The following AOX1 variants were observed in gnomAD, a reference collection of about 807,000 sequenced individuals.
AOX1 encodes the protein aldehyde oxidase 1.
A neutral mutation model predicts 169.5 loss-of-function variants in AOX1; 153 were observed. That is an observed-to-expected ratio of 0.90 (90% CI 0.79 to 1.03). AOX1 has a LOEUF of 1.03. Ranked by LOEUF, AOX1 falls within the 50% of genes least tolerant of loss-of-function variation. The probability of loss-of-function intolerance (pLI) is 0.00; values close to 1 mark genes in which losing one functional copy is unlikely to be tolerated. For missense variants in AOX1, 1,656 were observed against 1,663.9 expected (o/e 1.00, Z 0.08); for synonymous variants, 562 against 581.9 (o/e 0.97, Z 0.49).
At chr2:200,602,104 A>G (rs1026895892) in intron 5 of AOX1, among the ~76,000 whole-genome samples, 180 bp from the exon 6 acceptor site, 1 of 152,010 alleles carries the variant, frequency 6.6e-6, no homozygotes, top group Non-Finnish European at 1.5e-5. Flanking sequence ...AATCTGCCTC[A>G]AGATTCTTAA....
chr2:200,602,288 C>T lies in AOX1; in HGVS notation c.441C>T (p.Asn147=). 6.2e-7 allele frequency: 1 copy of T among 1,613,754 alleles called. No individual in the cohort carries two copies. The highest frequency in any genetic ancestry group is 1.1e-5 in the South Asian group (1 of 90,998). The stretch of plus-strand genomic sequence containing the variant: ...AGCTGGGTTTTTCTCCTTCAGGTAA[C>T]CTGTGCCGTTGCACTGGATACAGGC... ...LDQLTDALGG[N]LCRCTGYRPI... is the part of the protein sequence containing the mutation. Residue 147 remains asparagine (N), a synonymous_variant, in exon 6 of 35, where the codon AAC becomes AAT. Transcript: ENST00000374700.
chr2:200,619,099 TA>T (rs1467487436), intron 16 of AOX1, among the ~76,000 whole-genome samples: 1 of 152,150 alleles, frequency 6.6e-6, no homozygotes, highest in African/African-American at 2.4e-5. Context: ...CAAAAGAATT[TA>T]GCTTTTCTCC....
At position 200,627,345 on chromosome 2, in the gene AOX1, C is replaced by G. The variant is rs1402883226; in HGVS notation, c.2125-8C>G. Reference sequence around the variant, plus strand: ...CCAAGCTGCCTCATTCCTCTGTTCTCTTTCTAGGAAAGTATACAACACAAC... The same window carrying G: ...CCAAGCTGCCTCATTCCTCTGTTCTGTTTCTAGGAAAGTATACAACACAAC... On this transcript the variant is annotated splice_region_variant and splice_polypyrimidine_tract_variant and intron_variant, in intron 19 of 34. Coordinates refer to ENST00000374700, the MANE Select transcript of AOX1 (RefSeq NM_001159.4). 1 of 1,607,260 alleles carries G rather than the reference C, an allele frequency of 6.2e-7. No individual in the cohort carries two copies. The highest frequency in any genetic ancestry group is 1.3e-5 in the African/African-American group (1 of 74,736).
At chr2:200,614,091 G>T in intron 15 of AOX1, 125 bp downstream of exon 15, 1 of 901,634 alleles carries the variant, frequency 1.1e-6, no homozygotes, top group South Asian at 1.8e-5. Context: ...AGAAACACAC[G>T]TACTTGCTGA....
chr2:200,610,141 A>G (rs964662729), intron 12 of AOX1, among the ~76,000 whole-genome samples: 8 of 150,780 alleles, frequency 5.3e-5, no homozygotes, highest in African/African-American at 2.0e-4. Context: ...GCACAATCTC[A>G]GCTCACTGCA....
chr2:200,618,608 C>G (rs2034817939), intron 16 of AOX1, among the ~76,000 whole-genome samples: 1 of 152,268 alleles, frequency 6.6e-6, no homozygotes. Flanking sequence ...TCCTGATATT[C>G]CAGCCCTGCC....
At chr2:200,617,702 C>G (rs1170571367) in intron 16 of AOX1, among the ~76,000 whole-genome samples, 1 of 151,954 alleles carries the variant, frequency 6.6e-6, no homozygotes, top group Non-Finnish European at 1.5e-5. Context: ...TCCTTAATGT[C>G]TGAGCTTATG....
intron 25 of AOX1, among the ~76,000 whole-genome samples, chr2:200,647,025 T>C (rs2035467257): frequency 6.6e-6 from 1 of 152,202 alleles, no homozygotes; most frequent in East Asian, 1.9e-4. Flanking sequence ...ATTCTGTGGT[T>C]CTGTATCTTT....
intron 10 of AOX1, among the ~76,000 whole-genome samples, chr2:200,607,500 T>C (rs1333503941): frequency 1.3e-5 from 2 of 152,172 alleles, no homozygotes; most frequent in African/African-American, 2.4e-5. Context: ...GAAATAGTAA[T>C]GCTTTTACAC....
chr2:200,646,810 G>A (rs1033446820), intron 25 of AOX1, among the ~76,000 whole-genome samples: 1 of 152,082 alleles, frequency 6.6e-6, no homozygotes, highest in Admixed American at 6.6e-5. Context: ...ATTATATAAT[G>A]CACCTCTTTG....
At chr2:200,640,995 AAT>A (rs2035341116) in intron 23 of AOX1, 101 bp from the exon 24 acceptor site, 3 of 748,612 alleles carry the variant, frequency 4.0e-6, no homozygotes, top group Non-Finnish European at 7.1e-6. Flanking sequence ...TGCCAAATCC[AAT>A]GTCATGACGC....
chr2:200,605,583 C>T lies in AOX1; in HGVS notation c.862C>T (p.Pro288Ser), dbSNP rs776419502. ...KGVFHPVIISPDRIEELSVVN... is the reference protein window; with the variant it reads ...KGVFHPVIISSDRIEELSVVN... ...CGTCTTTCACCCAGTTATAATTTCT[C>T]CTGATAGAATTGAAGAACTGAGTGT... Residue 288 changes from proline to serine, a missense_variant, in exon 10 of 35, where the codon CCT becomes TCT. By Grantham distance (74) the Pro-to-Ser change is moderately conservative. Transcript: ENST00000374700. 6 of 1,562,814 alleles carry T rather than the reference C, an allele frequency of 3.8e-6. No homozygotes were observed. Among genetic ancestry groups the T allele is most frequent in the Non-Finnish European group, 5.2e-6 (6 of 1,155,364 alleles).
intron 16 of AOX1, among the ~76,000 whole-genome samples, chr2:200,620,029 A>G (rs893108195): frequency 2.6e-5 from 4 of 152,166 alleles, no homozygotes; most frequent in South Asian, 2.1e-4. Context: ...TTGTATTGTC[A>G]AGAAGAAAGA....
chr2:200,589,247 T>C (rs2034117943), intron 1 of AOX1, among the ~76,000 whole-genome samples: 1 of 152,036 alleles, frequency 6.6e-6, no homozygotes, highest in Non-Finnish European at 1.5e-5. Flanking sequence ...TGCAGAGAGA[T>C]TTCTGAAATC....
intron 13 of AOX1, 92 bp from the exon 14 acceptor site, chr2:200,612,517 C>T (rs1470305867): frequency 1.2e-5 from 16 of 1,289,024 alleles, no homozygotes; most frequent in Admixed American, 1.8e-5. Context: ...ACAGACTGCC[C>T]GGTGTGTAGG....
At chr2:200,678,044 C>T (rs1005679586), downstream of AOX1, among the ~76,000 whole-genome samples, 16 of 152,318 alleles carry the variant, frequency 1.1e-4, no homozygotes, top group South Asian at 2.1e-4. Context: ...GGGACCCTGG[C>T]TTTCATCTGA....
intron 25 of AOX1, among the ~76,000 whole-genome samples, chr2:200,650,571 T>C (rs928426824): frequency 3.9e-5 from 6 of 152,316 alleles, no homozygotes; most frequent in African/African-American, 9.6e-5. Flanking sequence ...TGCTTGCCTG[T>C]TTTGGAGGTG....
chr2:200,658,921 C>A (rs572742676), intron 27 of AOX1, among the ~76,000 whole-genome samples: 1 of 152,322 alleles, frequency 6.6e-6, no homozygotes, highest in South Asian at 2.1e-4. Flanking sequence ...GGGGCCTCAC[C>A]TCCTCTTTCT....
chr2:200,681,085 A>G (rs1216233050), downstream of AOX1, among the ~76,000 whole-genome samples: 1 of 152,162 alleles, frequency 6.6e-6, no homozygotes, highest in Non-Finnish European at 1.5e-5. Context: ...AAAAGTAGGT[A>G]ATCCCTATGT....
Sources: gnomAD v4.1 joint callset for allele counts (sites outside exome capture counted in the v4.1 genomes callset) on GRCh38, gnomAD v4.1.1 for gene constraint, MANE v1.5 for transcripts, NCBI Gene and HGNC (gene_info 2026-07-23, HGNC 2026-07-21) for gene names.